Variants in EIF4E2 observed in about 807,000 individuals in gnomAD.
EIF4E2 encodes eukaryotic translation initiation factor 4E type 2.
In EIF4E2, 13 loss-of-function variants were observed where a neutral mutation model predicts 34.2. That is an observed-to-expected ratio of 0.38 (90% confidence interval 0.25 to 0.60). The LOEUF (loss-of-function observed/expected upper bound fraction) is 0.60. Among genes scored for constraint, EIF4E2 ranks in the 20% least tolerant of loss-of-function variants. The probability of loss-of-function intolerance (pLI) is 0.62; values close to 1 mark genes in which losing one functional copy is unlikely to be tolerated. For missense variants in EIF4E2, 222 were observed against 315.1 expected (o/e 0.70, Z 2.24); for synonymous variants, 100 against 106.6 (o/e 0.94, Z 0.38).
At chr2:232,567,813 G>A (rs1280980684) in intron 6 of EIF4E2, 1 of 985,682 alleles carries the variant, frequency 1.0e-6, no homozygotes, top group South Asian at 4.7e-5. Flanking sequence ...TCTGTCCACA[G>A]TGAGAATCAC....
chr2:232,581,169 T>C lies in EIF4E2; in HGVS notation c.*226T>C, dbSNP rs1247686077. The C allele has an allele frequency of 3.0e-6, 2 of 668,630 alleles. No individual in the cohort carries two copies. Among genetic ancestry groups the C allele is most frequent in the Non-Finnish European group, 5.6e-6 (2 of 358,082 alleles). The allele number at this position is 668,630 out of a possible 1,614,324, so 41.4% of individuals were successfully genotyped here. A position where few individuals can be genotyped will look rare whatever the true frequency, so the allele number is the denominator to read the frequency against. On this transcript the variant is annotated 3_prime_UTR_variant, in exon 7 of 7. Coordinates refer to the EIF4E2 transcript ENST00000409098. This position sits in a 1 kb window ranked among gnomAD's most constrained non-coding sequence, Gnocchi z 5.2. ...ACGTGACTTTGTAATAGACAAACAT[T>C]GTTTTTTAATGGGGTTCCATGGGGG... is the stretch of plus-strand genomic sequence containing the variant.
chr2:232,561,028 G>A (rs2077929), intron 3 of EIF4E2, among the ~76,000 whole-genome samples: 46,457 of 152,080 alleles, frequency 0.31, 7,633 homozygotes, highest in Admixed American at 0.41. Flanking sequence ...AGGGAAGACA[G>A]TAAGTGATAC....
chr2:232,571,113 C>T (rs932462604), downstream of EIF4E2, among the ~76,000 whole-genome samples: 1 of 152,168 alleles, frequency 6.6e-6, no homozygotes, highest in Non-Finnish European at 1.5e-5. Flanking sequence ...TCCCAATGTC[C>T]TTCTTCAACC....
In EIF4E2 at chr2:232,566,951, C is replaced by T. The variant is rs1177678875; in HGVS notation, c.498C>T (p.Ile166=). ...AACAGTTCATGGTTGGGGAGGAGAT[C>T]TGTGGGGCTGTGGTGTCTGTCCGCT... The part of the protein sequence containing the change: ...LGEQFMVGEE[I]CGAVVSVRFQ... Residue 166 remains isoleucine, a synonymous_variant, in exon 5 of 7, where the codon ATC becomes ATT. Coordinates refer to ENST00000258416, the MANE Select transcript of EIF4E2 (RefSeq NM_004846.4). This position sits in a 1 kb window ranked among gnomAD's most constrained non-coding sequence, Gnocchi z 4.9. The T allele has an allele frequency of 1.2e-6, 2 of 1,600,412 alleles. No homozygotes were observed. Among genetic ancestry groups the T allele is most frequent in the African/African-American group, 2.7e-5 (2 of 74,574 alleles).
chr2:232,573,909 G>C, downstream of EIF4E2: 1 of 436,230 alleles, frequency 2.3e-6, no homozygotes, highest in South Asian at 2.0e-5. Context: ...GAAAGTACAG[G>C]GAGTGCCACT....
chr2:232,551,143 TCTGAGCCTCA>T (rs1692299500), intron 1 of EIF4E2: 2 of 542,814 alleles, frequency 3.7e-6, no homozygotes, highest in Non-Finnish European at 7.3e-6. Context: ...CCCTCTCCCC[TCTGAGCCTCA>T]GTTTTCTCAT....
chr2:232,553,644 A>G (rs1692421479), intron 1 of EIF4E2, among the ~76,000 whole-genome samples: 2 of 152,222 alleles, frequency 1.3e-5, no homozygotes, highest in Non-Finnish European at 2.9e-5. Context: ...ACTCAAATCC[A>G]GCTTGAAGCT....
downstream of EIF4E2, chr2:232,574,182 T>G: frequency 7.3e-7 from 1 of 1,372,840 alleles, no homozygotes. Flanking sequence ...AAGGGGGATG[T>G]GGGGTTATTG....
intron 6 of EIF4E2, among the ~76,000 whole-genome samples, chr2:232,575,499 C>T (rs950748657): frequency 1.3e-5 from 2 of 152,214 alleles, no homozygotes; most frequent in East Asian, 1.9e-4. Context: ...TCATGGCACA[C>T]GCCTATTGTC....
rs1459162265 is a variant in EIF4E2 at position 232,567,188 on chromosome 2, A to G, written c.639A>G (p.Glu213=). The G allele has an allele frequency of 3.7e-6, 6 of 1,614,186 alleles. No individual in the cohort carries two copies. The highest frequency in any genetic ancestry group is 2.7e-5 in the African/African-American group (2 of 75,032). The change falls in exon 6 of 7, where the codon GAA becomes GAG. Residue 213 remains glutamate, a synonymous_variant. Transcript: ENST00000258416. ...VLNLPPNTIM[E]YKTHTDSIKM... Reference sequence around the variant, plus strand: ...ACCTACCTCCCAACACCATTATGGAATACAAAACTCACACCGACAGCATCA... The same window carrying G: ...ACCTACCTCCCAACACCATTATGGAGTACAAAACTCACACCGACAGCATCA...
chr2:232,554,316 TGGG>T (rs1056614926), intron 1 of EIF4E2, among the ~76,000 whole-genome samples: 3 of 152,074 alleles, frequency 2.0e-5, no homozygotes, highest in African/African-American at 4.8e-5. Flanking sequence ...AAGGATAAAA[TGGG>T]GGCACCAAAA....
intron 3 of EIF4E2, among the ~76,000 whole-genome samples, chr2:232,560,329 C>T (rs1056161323): frequency 2.0e-5 from 3 of 152,174 alleles, no homozygotes; most frequent in Non-Finnish European, 4.4e-5. Context: ...TCCTTCCTGA[C>T]ACCATACACA....
chr2:232,580,787 G>A (rs1188400765), intron 6 of EIF4E2: 4 of 895,678 alleles, frequency 4.5e-6, no homozygotes, highest in East Asian at 2.7e-5. Context: ...AGAAGGCCCC[G>A]GGATATGTCA....
intron 1 of EIF4E2, among the ~76,000 whole-genome samples, chr2:232,553,301 A>G (rs552732307): frequency 1.3e-5 from 2 of 152,174 alleles, no homozygotes; most frequent in Non-Finnish European, 2.9e-5. Context: ...TTTTGTCCGT[A>G]TTCTACATCA....
chr2:232,578,112 A>C (rs943141589), intron 6 of EIF4E2, among the ~76,000 whole-genome samples: 4 of 152,228 alleles, frequency 2.6e-5, no homozygotes, highest in African/African-American at 9.6e-5. Context: ...GACCAAAGCC[A>C]TAGGGCATCA....
At chr2:232,553,140 G>A (rs1300071374) in intron 1 of EIF4E2, among the ~76,000 whole-genome samples, 2 of 152,168 alleles carry the variant, frequency 1.3e-5, no homozygotes, top group African/African-American at 4.8e-5. Flanking sequence ...ACCTTTGATT[G>A]TAATTGCTTT....
chr2:232,564,148 T>A (rs1574667359), intron 3 of EIF4E2, 99 bp from the exon 4 acceptor site: 1 of 718,806 alleles, frequency 1.4e-6, no homozygotes, highest in Non-Finnish European at 2.3e-6. Context: ...TAGTATAGTG[T>A]CTTCCATGCT....
downstream of EIF4E2, among the ~76,000 whole-genome samples, chr2:232,572,335 T>A (rs6761056): frequency 0.69 from 105,631 of 151,990 alleles, 37,230 homozygotes; most frequent in South Asian, 0.76. Context: ...TTTCCACTGA[T>A]TCCATGTGAA....
chr2:232,552,158 G>T (rs1422368593), intron 1 of EIF4E2, among the ~76,000 whole-genome samples: 1 of 152,138 alleles, frequency 6.6e-6, no homozygotes. Flanking sequence ...TTGGGAGTCT[G>T]CAGTAAGAAT....
Sources: gnomAD v4.1 joint callset for allele counts (sites outside exome capture counted in the v4.1 genomes callset) on GRCh38, gnomAD v4.1.1 for gene constraint, Gnocchi (gnomAD v3.1) non-coding constraint, MANE v1.5 for transcripts, NCBI Gene and HGNC (gene_info 2026-07-23, HGNC 2026-07-21) for gene names.